USP24: variants seen among roughly 807,000 people sequenced by gnomAD.
The protein encoded by USP24 is ubiquitin carboxyl-terminal hydrolase 24.
USP24 carries 97 observed loss-of-function variants against 361.6 expected under a neutral mutation model. The ratio of observed to expected loss-of-function variants is 0.27; its 90% confidence interval spans 0.23 to 0.32. The LOEUF (loss-of-function observed/expected upper bound fraction) is 0.32. Ranked by LOEUF, USP24 falls within the 10% of genes least tolerant of loss-of-function variation. The pLI is 1.00. For missense variants in USP24, 2,353 were observed against 3,165.6 expected, an observed-to-expected ratio of 0.74 and a Z score of 6.16; for synonymous variants, 1,098 against 1,124.6, an observed-to-expected ratio of 0.98 and a Z score of 0.47.
intron 37 of USP24, 108 bp from the exon 38 acceptor site, chr1:55,120,864 T>C: frequency 2.3e-6 from 3 of 1,318,988 alleles, no homozygotes; most frequent in Non-Finnish European, 3.0e-6. Context: ...ATCAAGTTAT[T>C]GAAGGATACT....
intron 21 of USP24, among the ~76,000 whole-genome samples, chr1:55,143,367 CCCTAGA>C (rs1646942017): frequency 6.6e-6 from 1 of 152,222 alleles, no homozygotes; most frequent in African/African-American, 2.4e-5. Context: ...CTTCAGACAT[CCCTAGA>C]CCCAAACTGG....
intron 32 of USP24, among the ~76,000 whole-genome samples, chr1:55,128,178 C>T (rs1646488784): frequency 6.6e-6 from 1 of 152,174 alleles, no homozygotes; most frequent in Non-Finnish European, 1.5e-5. Context: ...AACCACAGGG[C>T]CATTTTATAA....
At chr1:55,072,512 A>G (rs1644941098) in intron 65 of USP24, 109 bp from the exon 66 acceptor site, 2 of 908,528 alleles carry the variant, frequency 2.2e-6, no homozygotes, top group Non-Finnish European at 3.3e-6. Flanking sequence ...GTAGGGTACA[A>G]GTCTACCCAG....
intron 3 of USP24, 88 bp downstream of exon 3, chr1:55,176,288 A>C (rs1649976059): frequency 8.1e-7 from 1 of 1,230,154 alleles, no homozygotes; most frequent in Non-Finnish European, 1.1e-6. Context: ...ATACATAAAA[A>C]ACTAAAATTA....
intron 19 of USP24, among the ~76,000 whole-genome samples, chr1:55,146,387 G>A (rs1048652387): frequency 6.6e-6 from 1 of 152,100 alleles, no homozygotes; most frequent in Non-Finnish European, 1.5e-5. Flanking sequence ...GCACTATGCT[G>A]GGCACTATCA....
At chr1:55,169,163 A>G (rs1456167621) in intron 5 of USP24, among the ~76,000 whole-genome samples, 1 of 152,188 alleles carries the variant, frequency 6.6e-6, no homozygotes, top group Non-Finnish European at 1.5e-5. Flanking sequence ...TTAAAAATTC[A>G]GTAACCAAAA....
At chr1:55,163,266 G>A (rs185167473) in intron 7 of USP24, among the ~76,000 whole-genome samples, 3 of 151,838 alleles carry the variant, frequency 2.0e-5, no homozygotes, top group Admixed American at 2.0e-4. Flanking sequence ...AGACACCAAG[G>A]AAAAATTTGA....
At chr1:55,168,673 C>T (rs1214371833) in intron 5 of USP24, among the ~76,000 whole-genome samples, 3 of 152,020 alleles carry the variant, frequency 2.0e-5, no homozygotes, top group Admixed American at 1.3e-4. Flanking sequence ...GATTTACCTG[C>T]GGAAAGGGAA....
rs748936807 is a variant in USP24, at chr1:55,079,633, G to A, written c.7105C>T (p.Pro2369Ser). The change falls in exon 60 of 68, where the codon CCC becomes TCC. Residue 2369 changes from proline (P) to serine (S), a missense_variant. Pro to Ser is a moderately conservative substitution (Grantham distance 74). Transcript: ENST00000294383. ...VAPGIFKQRPPISIAPSSPLL... is the reference protein window; with the variant it reads ...VAPGIFKQRPSISIAPSSPLL... The stretch of plus-strand genomic sequence containing the variant: ...GGGCTTGAGGGAGCAATGCTAATGG[G>A]TGGTCGTTGCTTAAATATGCCAGGA... The A allele has an allele frequency of 1.3e-6, 2 of 1,542,260 alleles. No individual in the cohort carries two copies. The highest frequency in any genetic ancestry group is 1.7e-6 in the Non-Finnish European group (2 of 1,156,036).
intron 5 of USP24, among the ~76,000 whole-genome samples, chr1:55,167,229 A>T (rs1648972188): frequency 1.3e-5 from 2 of 152,186 alleles, no homozygotes; most frequent in Non-Finnish European, 2.9e-5. Flanking sequence ...TCGAAAGAAA[A>T]ATAGGACCTT....
Position 55,075,530 on chromosome 1 carries a change from A to G in USP24, c.7381-7T>C, listed in dbSNP as rs1379682153. The G allele has an allele frequency of 9.4e-6, 15 of 1,588,388 alleles. No individual in the cohort carries two copies. Among genetic ancestry groups the G allele is most frequent in the Non-Finnish European group, 1.3e-5 (15 of 1,168,730 alleles). ...GTATAGGATCTTCAATAACCTGGGAAAGGAAGAAACAAAAATTAGTAAATA... is the reference window on the plus strand; with the variant it reads ...GTATAGGATCTTCAATAACCTGGGAGAGGAAGAAACAAAAATTAGTAAATA... On this transcript the variant is annotated splice_region_variant and splice_polypyrimidine_tract_variant and intron_variant, in intron 62 of 67. Coordinates refer to ENST00000294383, the MANE Select transcript of USP24 (RefSeq NM_015306.3).
rs772583207 is a variant in USP24, at chr1:55,088,960, T to C, written c.6668+667A>G. Among the ~76,000 whole-genome samples the C allele has an allele frequency of 2.6e-5, 4 of 152,100 alleles. No individual in the cohort carries two copies. In the East Asian group the frequency reaches 7.7e-4, roughly 29 times the overall value. On this transcript the variant is annotated intron_variant, in intron 55 of 67. Coordinates refer to ENST00000294383, the MANE Select transcript of USP24 (RefSeq NM_015306.3). Reference sequence around the variant, plus strand: ...GTGGAGTCTCGCTCTGTTGCCAGGCTGGAGTGCAGTGACGCGATCTCAGCT... The same window carrying C: ...GTGGAGTCTCGCTCTGTTGCCAGGCCGGAGTGCAGTGACGCGATCTCAGCT...
chr1:55,198,562 T>A (rs972410999), intron 1 of USP24, among the ~76,000 whole-genome samples: 1 of 152,210 alleles, frequency 6.6e-6, no homozygotes, highest in Non-Finnish European at 1.5e-5. Flanking sequence ...TTTATCAGCA[T>A]CCCTGGCCAG....
At chr1:55,111,233 T>A (rs1239517840) in intron 38 of USP24, among the ~76,000 whole-genome samples, 2 of 152,070 alleles carry the variant, frequency 1.3e-5, no homozygotes, top group Non-Finnish European at 2.9e-5. Flanking sequence ...AGACGTAATT[T>A]TTTAAATTAT....
intron 7 of USP24, 60 bp from the exon 8 acceptor site, chr1:55,162,324 T>C (rs1648376194): frequency 7.1e-7 from 1 of 1,414,184 alleles, no homozygotes; most frequent in Non-Finnish European, 9.4e-7. Flanking sequence ...CTGTCAAAAT[T>C]AAACAAATCC....
rs538940849 is a variant in USP24, at chr1:55,196,900, G to A, written c.324+17890C>T. ...CAACATGCCAGCCCTGCTGCTACCC[G>A]GTGTTTTTGCATTAGGTGTTCCTTC... On this transcript the variant is annotated intron_variant, in intron 1 of 67. Transcript: ENST00000294383. Among the ~76,000 whole-genome samples the A allele has an allele frequency of 1.2e-4, 18 of 152,300 alleles. No individual in the cohort carries two copies. The East Asian group carries it at 1.7e-3, about 15-fold the overall frequency.
At position 55,215,209 on chromosome 1, in the gene USP24, G is replaced by T; in HGVS notation, c.-96C>A. On this transcript the variant is annotated 5_prime_UTR_variant, in exon 1 of 68. Coordinates refer to ENST00000294383, the MANE Select transcript of USP24 (RefSeq NM_015306.3). ...GGCGCACCCTCCGCGCCGCCTCCGC[G>T]CCCAGGTTGGCCCCTGCGTTCCTGC... The T allele has an allele frequency of 2.9e-6, 3 of 1,032,706 alleles. No individual in the cohort carries two copies. Among genetic ancestry groups the T allele is most frequent in the South Asian group, 4.9e-5 (1 of 20,544 alleles). The allele number at this position is 1,032,706 out of a possible 1,614,324, so 64.0% of individuals were successfully genotyped here.
At chr1:55,193,900 C>A (rs945469655) in intron 1 of USP24, among the ~76,000 whole-genome samples, 1 of 152,082 alleles carries the variant, frequency 6.6e-6, no homozygotes, top group Non-Finnish European at 1.5e-5. Context: ...TCATTAAATG[C>A]GTTCAGACTG....
At position 55,144,134 on chromosome 1, in the gene USP24, G is replaced by C; in HGVS notation, c.2432C>G (p.Ala811Gly). Residue 811 changes from alanine (A) to glycine (G), a missense_variant, in exon 21 of 68, where the codon GCT becomes GGT. This residue lies in a region of USP24 where 949 missense variants were observed against 1,280.5 expected (regional missense o/e 0.74). Coordinates refer to ENST00000294383, the MANE Select transcript of USP24 (RefSeq NM_015306.3). Reference sequence around the variant, plus strand: ...TGAGAATAACGTACTTACCAACTGAGCTCCTTGTCTTTTCAATCGATGATC... The same window carrying C: ...TGAGAATAACGTACTTACCAACTGACCTCCTTGTCTTTTCAATCGATGATC... ...LCDHRLKRQG[A>G]QLYVEKLELI... 1 of 1,604,804 alleles carries C rather than the reference G, an allele frequency of 6.2e-7. No individual in the cohort carries two copies. Among genetic ancestry groups the C allele is most frequent in the South Asian group, 1.1e-5 (1 of 89,082 alleles).
Sources: allele counts gnomAD v4.1 joint callset (sites outside exome capture counted in the v4.1 genomes callset), GRCh38; gene constraint gnomAD v4.1.1; regional missense constraint gnomAD v4.1.1; transcripts MANE v1.5; gene names NCBI Gene and HGNC (gene_info 2026-07-23, HGNC 2026-07-21).